The following SOCS6 variants were observed in gnomAD, a reference collection of about 807,000 sequenced individuals.
SOCS6 encodes the protein suppressor of cytokine signaling 6, also known as STAT induced STAT inhibitor-4.
In SOCS6, 5 loss-of-function variants were observed where a neutral mutation model predicts 27.7. The ratio of observed to expected loss-of-function variants is 0.18; its 90% CI spans 0.09 to 0.38. The LOEUF (loss-of-function observed/expected upper bound fraction) is 0.38. SOCS6 is among the 10% of genes least tolerant of loss of function. The probability of loss-of-function intolerance (pLI) is 1.00; values close to 1 mark genes in which losing one functional copy is unlikely to be tolerated. For synonymous variants in SOCS6, 271 were observed against 260.0 expected (o/e 1.04, Z -0.41); for missense variants, 595 against 688.1 (o/e 0.86, Z 1.51).
chr18:70,304,884 T>C (rs79012901), intron 1 of SOCS6, among the ~76,000 whole-genome samples: 1,830 of 152,310 alleles, frequency 0.012, 42 homozygotes, highest in African/African-American at 0.04. Context: ...TTGTCCAAAC[T>C]AGAGTCACAA....
chr18:70,298,687 A>C (rs1354353837), intron 1 of SOCS6, among the ~76,000 whole-genome samples: 3 of 152,192 alleles, frequency 2.0e-5, no homozygotes, highest in Non-Finnish European at 4.4e-5. Flanking sequence ...ATTTAGAGTT[A>C]AGATACCTAT....
At chr18:70,323,866 A>C (rs1379724692) in intron 1 of SOCS6, among the ~76,000 whole-genome samples, 1 of 152,114 alleles carries the variant, frequency 6.6e-6, no homozygotes, top group African/African-American at 2.4e-5. Flanking sequence ...GCAGCGGAGG[A>C]GCAGTCGGAG....
chr18:70,289,611 G>C (rs1208586868), intron 1 of SOCS6, among the ~76,000 whole-genome samples: 8 of 147,180 alleles, frequency 5.4e-5, no homozygotes, highest in East Asian at 2.0e-4. Context: ...CGGGCTCGGG[G>C]TCGGGGCGCG....
chr18:70,296,542 G>A (rs553152717), intron 1 of SOCS6: 154 of 152,364 alleles, frequency 1.0e-3, no homozygotes, highest in African/African-American at 3.4e-3. Flanking sequence ...CGCATGCAAG[G>A]GCACAAGGAG....
rs1022650282 is a variant in SOCS6, at chr18:70,327,358, A to G, written c.*1082A>G. On this transcript the variant is annotated 3_prime_UTR_variant, in exon 2 of 2. Coordinates refer to ENST00000397942, the MANE Select transcript of SOCS6 (RefSeq NM_004232.4). ...TTTTTCTTCTATGTAGTTACTATAA[A>G]AGTGTGCTGGATTTGACCAATCCTT... The G allele has an allele frequency of 1.2e-5, 2 of 166,768 alleles. No homozygotes were observed. Among genetic ancestry groups the G allele is most frequent in the African/African-American group, 2.4e-5 (1 of 41,412 alleles). 10.3% of individuals were successfully genotyped at this position (166,768 alleles called of 1,614,324 possible). A position where few individuals can be genotyped will look rare whatever the true frequency, so the allele number is the denominator to read the frequency against.
At chr18:70,315,293 T>C (rs548157337) in intron 1 of SOCS6, among the ~76,000 whole-genome samples, 2 of 152,272 alleles carry the variant, frequency 1.3e-5, no homozygotes, top group African/African-American at 4.8e-5. Context: ...TGTCCTCCCC[T>C]TTTTTCTTTC....
chr18:70,308,710 C>G (rs536948588), intron 1 of SOCS6, among the ~76,000 whole-genome samples: 1 of 152,224 alleles, frequency 6.6e-6, no homozygotes, highest in East Asian at 1.9e-4. Context: ...CCTTTCAGTT[C>G]TCTCAGGCTT....
rs769407600 is a variant in SOCS6, at chr18:70,324,878, C to T, written c.210C>T (p.Ser70=). ...DEKGGKNRSK[S]ESLMGTLKRR... ...AAGGCGGAAAAAACAGATCAAAAAG[C>T]GAGAGCCTGATGGGTACGCTAAAAA... Residue 70 remains serine (S), a synonymous_variant, in exon 2 of 2, where the codon AGC becomes AGT. Coordinates refer to ENST00000397942, the MANE Select transcript of SOCS6 (RefSeq NM_004232.4). 46 of 1,614,012 alleles carry T rather than the reference C, an allele frequency of 2.9e-5. No homozygotes were observed. The highest frequency in any genetic ancestry group is 3.3e-4 in the Middle Eastern group (2 of 6,084).
At chr18:70,306,757 C>T (rs144723914) in intron 1 of SOCS6, among the ~76,000 whole-genome samples, 1 of 152,206 alleles carries the variant, frequency 6.6e-6, no homozygotes, top group African/African-American at 2.4e-5. Context: ...AAGTTTCCTT[C>T]TGTTCTTAGC....
At chr18:70,290,917 C>G (rs2062296430) in intron 1 of SOCS6, among the ~76,000 whole-genome samples, 1 of 152,252 alleles carries the variant, frequency 6.6e-6, no homozygotes. Flanking sequence ...CCATGACCCC[C>G]TCTCTTGGTG....
chr18:70,321,089 C>T, intron 1 of SOCS6, among the ~76,000 whole-genome samples: 1 of 151,854 alleles, frequency 6.6e-6, no homozygotes, highest in African/African-American at 2.4e-5. Context: ...CCAGCCCGGG[C>T]AACATAGACC....
At chr18:70,295,820 G>T (rs1005788838) in intron 1 of SOCS6, among the ~76,000 whole-genome samples, 6 of 152,180 alleles carry the variant, frequency 3.9e-5, no homozygotes, top group Non-Finnish European at 2.9e-5. Flanking sequence ...GGTGTCATCT[G>T]CCCAGAGTCA....
Position 70,325,037 on chromosome 18 carries a change from G to A in SOCS6, c.369G>A (p.Arg123=). The A allele has an allele frequency of 1.2e-6, 2 of 1,614,094 alleles. No homozygotes were observed. The highest frequency in any genetic ancestry group is 1.7e-6 in the Non-Finnish European group (2 of 1,180,026). ...ACGTGAGAGCTCAGAGGCCGATAAG[G>A]TCCACGTCGCTCCGCAGCCATCACT... ...FKDVRAQRPI[R]STSLRSHHYS... Residue 123 remains arginine, a synonymous_variant, in exon 2 of 2, where the codon AGG becomes AGA. Transcript: ENST00000397942. This position sits in a 1 kb window ranked among gnomAD's most constrained non-coding sequence, Gnocchi z 6.3.
At chr18:70,307,217 G>A (rs903080573) in intron 1 of SOCS6, among the ~76,000 whole-genome samples, 1 of 151,102 alleles carries the variant, frequency 6.6e-6, no homozygotes, top group African/African-American at 2.5e-5. Flanking sequence ...AGCCATGATT[G>A]CATCACTGCA....
chr18:70,305,172 C>T (rs1161141116), intron 1 of SOCS6, among the ~76,000 whole-genome samples: 1 of 151,726 alleles, frequency 6.6e-6, no homozygotes, highest in Non-Finnish European at 1.5e-5. Context: ...CGCGCCACTG[C>T]ACTCCAACCT....
At chr18:70,316,818 CT>C (rs1222078448) in intron 1 of SOCS6, among the ~76,000 whole-genome samples, 1 of 152,064 alleles carries the variant, frequency 6.6e-6, no homozygotes, top group Non-Finnish European at 1.5e-5. Flanking sequence ...AGTAAATACA[CT>C]CTTTCATTAA....
intron 1 of SOCS6, among the ~76,000 whole-genome samples, chr18:70,291,042 T>G (rs1400570268): frequency 6.6e-6 from 1 of 152,250 alleles, no homozygotes; most frequent in African/African-American, 2.4e-5. Context: ...CTTCCAGTGT[T>G]TTTCTTCATT....
chr18:70,291,274 T>A (rs535361184), intron 1 of SOCS6, among the ~76,000 whole-genome samples: 1 of 152,256 alleles, frequency 6.6e-6, no homozygotes, highest in East Asian at 1.9e-4. Context: ...ACCTGGCTGA[T>A]TGTTTTTTGG....
chr18:70,294,357 G>T (rs1411870500), intron 1 of SOCS6, among the ~76,000 whole-genome samples: 1 of 151,860 alleles, frequency 6.6e-6, no homozygotes, highest in Non-Finnish European at 1.5e-5. Flanking sequence ...TTTTTTTGTT[G>T]TTGTTCTTTG....
Sources: gnomAD v4.1 joint callset for allele counts (sites outside exome capture counted in the v4.1 genomes callset) on GRCh38, gnomAD v4.1.1 for gene constraint, Gnocchi (gnomAD v3.1) non-coding constraint, MANE v1.5 for transcripts, NCBI Gene and HGNC (gene_info 2026-07-23, HGNC 2026-07-21) for gene names.